The following DIS3L2 variants were observed in gnomAD, a reference collection of about 807,000 sequenced individuals.
The protein encoded by DIS3L2 is DIS3 like 3'-5' exoribonuclease 2, also known as DIS3-like exonuclease 2.
In DIS3L2, 34 loss-of-function variants were observed where a neutral mutation model predicts 97.5. The ratio of observed to expected loss-of-function variants is 0.35; its 90% CI spans 0.27 to 0.46. The LOEUF (loss-of-function observed/expected upper bound fraction) is 0.46, where lower values mean the gene tolerates loss of function less well. DIS3L2 is among the 20% of genes least tolerant of loss of function. The pLI, the probability that DIS3L2 is intolerant of heterozygous loss-of-function variation, is 1.00. For missense variants in DIS3L2, 1,038 were observed against 1,146.0 expected (o/e 0.91, Z 1.36); for synonymous variants, 435 against 445.2 (o/e 0.98, Z 0.29).
chr2:232,016,304 G>A (rs1271555102), intron 3 of DIS3L2, among the ~76,000 whole-genome samples: 4 of 152,222 alleles, frequency 2.6e-5, no homozygotes, highest in Non-Finnish European at 4.4e-5. Flanking sequence ...TAGAATAAGT[G>A]TGCAGCATGG....
intron 1 of DIS3L2, among the ~76,000 whole-genome samples, chr2:231,995,477 G>GC (rs1200121719): frequency 6.6e-6 from 1 of 151,982 alleles, no homozygotes; most frequent in African/African-American, 2.4e-5. Context: ...ATTTTTTCTA[G>GC]CCTATTTTCT....
rs779485524 is a variant in DIS3L2, at chr2:232,336,577, GAGA to G, written c.2608_2610del (p.Lys870del). ...AGGCACCCAGGGCCACCTGGGCCCTGAGAAGGAGGAGGAGGAGTCTGACGGTGA... is the reference window on the plus strand; with the variant it reads ...AGGCACCCAGGGCCACCTGGGCCCTGAGGAGGAGGAGGAGTCTGACGGTGA... On this transcript the variant is annotated inframe_deletion, in exon 21 of 21. Transcript: ENST00000325385. 19 of 1,608,866 alleles carry G rather than the reference GAGA, an allele frequency of 1.2e-5. No homozygotes were observed. In the African/African-American group the frequency reaches 1.7e-4, roughly 15 times the overall value.
At chr2:232,001,327 A>G (rs1559530006) in intron 1 of DIS3L2, among the ~76,000 whole-genome samples, 1 of 152,144 alleles carries the variant, frequency 6.6e-6, no homozygotes, top group Non-Finnish European at 1.5e-5. Context: ...ATTTTTTCAT[A>G]TACCTGTTGG....
At chr2:232,221,339 A>G (rs1400017036) in intron 10 of DIS3L2, among the ~76,000 whole-genome samples, 7 of 152,210 alleles carry the variant, frequency 4.6e-5, no homozygotes, top group Non-Finnish European at 1.0e-4. Context: ...CAGCTAACAG[A>G]TTAAACTTTC....
At chr2:232,008,189 C>CT (rs35011144) in intron 1 of DIS3L2, among the ~76,000 whole-genome samples, 3,745 of 127,744 alleles carry the variant, frequency 0.029, 145 homozygotes, top group African/African-American at 0.091. Flanking sequence ...ATTTTTTGTA[C>CT]TTTTTTTTTT....
chr2:232,130,860 A>T (rs1187338805), intron 7 of DIS3L2, 141 bp downstream of exon 7: 12 of 742,388 alleles, frequency 1.6e-5, no homozygotes, highest in Middle Eastern at 2.9e-4. Flanking sequence ...AAAGTGAATT[A>T]AAAAAAAAAA....
chr2:232,327,457 G>A lies in DIS3L2; in HGVS notation c.1740-2356G>A, dbSNP rs548494971. Among the ~76,000 whole-genome samples the A allele has an allele frequency of 1.2e-4, 19 of 152,366 alleles. No homozygotes were observed. In the East Asian group the frequency reaches 3.7e-3, roughly 29 times the overall value. ...GGAGAAAAGTCCAGAACCGTGCCTG[G>A]CACATAGTAGTTTTTATGGAGTGAG... is the stretch of plus-strand genomic sequence containing the variant. On this transcript the variant is annotated intron_variant, in intron 14 of 20. Transcript: ENST00000325385.
chr2:232,320,475 T>C (rs967868740), intron 14 of DIS3L2, among the ~76,000 whole-genome samples: 9 of 152,318 alleles, frequency 5.9e-5, no homozygotes, highest in African/African-American at 2.2e-4. Context: ...CTGTCACCTG[T>C]GTTGGATTTA....
chr2:232,094,676 G>A (rs1011343427), intron 6 of DIS3L2, among the ~76,000 whole-genome samples: 17 of 135,976 alleles, frequency 1.3e-4, no homozygotes, highest in South Asian at 2.3e-4. Flanking sequence ...CCAAGACTGC[G>A]CCACTGCACT....
intron 9 of DIS3L2, among the ~76,000 whole-genome samples, chr2:232,168,756 T>G (rs1462846485): frequency 6.6e-6 from 1 of 152,140 alleles, no homozygotes; most frequent in Non-Finnish European, 1.5e-5. Flanking sequence ...ATTCCTTATT[T>G]TTAACACACA....
chr2:232,007,172 A>G (rs530149019), intron 1 of DIS3L2, among the ~76,000 whole-genome samples: 4 of 152,352 alleles, frequency 2.6e-5, no homozygotes, highest in African/African-American at 9.6e-5. Context: ...GGGTGTGTTA[A>G]AAGTTCTAGA....
chr2:232,288,127 C>T (rs1043002482), intron 13 of DIS3L2, among the ~76,000 whole-genome samples: 5 of 152,182 alleles, frequency 3.3e-5, no homozygotes, highest in African/African-American at 1.2e-4. Flanking sequence ...AGATTGGCTG[C>T]CCCAGGTCCA....
chr2:232,249,184 G>A (rs905326144), intron 11 of DIS3L2, 55 bp from the exon 12 acceptor site: 2 of 1,559,614 alleles, frequency 1.3e-6, no homozygotes, highest in Non-Finnish European at 8.8e-7. Context: ...TGCCCACTGG[G>A]CTTCTCCTAA....
chr2:232,055,192 C>T (rs1307042386), intron 5 of DIS3L2, among the ~76,000 whole-genome samples: 1 of 152,164 alleles, frequency 6.6e-6, no homozygotes, highest in African/African-American at 2.4e-5. Flanking sequence ...AGCGAGGATG[C>T]TCACTATCAT....
intron 10 of DIS3L2, among the ~76,000 whole-genome samples, chr2:232,215,697 T>G (rs1692314318): frequency 6.6e-6 from 1 of 152,184 alleles, no homozygotes; most frequent in African/African-American, 2.4e-5. Flanking sequence ...ACTGATCACC[T>G]TTGGAGGCAG....
At chr2:232,329,785 T>TGCCGGGGGGCCCCCC in intron 14 of DIS3L2, 28 bp from the exon 15 acceptor site, 5 of 967,142 alleles carry the variant, frequency 5.2e-6, no homozygotes, top group East Asian at 3.1e-5. Context: ...ACCCCAGCGG[T>TGCCGGGGGGCCCCCC]CCCTCCCATC....
At chr2:232,194,762 G>T (rs1436784113) in intron 9 of DIS3L2, among the ~76,000 whole-genome samples, 4 of 152,192 alleles carry the variant, frequency 2.6e-5, no homozygotes, top group Non-Finnish European at 4.4e-5. Flanking sequence ...GGACTGGGCT[G>T]TGGGAGTTGG....
chr2:231,963,212 T>C (rs1451854090), intron 1 of DIS3L2, among the ~76,000 whole-genome samples: 1 of 152,220 alleles, frequency 6.6e-6, no homozygotes, highest in Non-Finnish European at 1.5e-5. Context: ...GTTTAAATGT[T>C]CCCTTTCCAA....
intron 9 of DIS3L2, among the ~76,000 whole-genome samples, chr2:232,186,955 A>G (rs76671041): frequency 6.6e-6 from 1 of 152,232 alleles, no homozygotes; most frequent in African/African-American, 2.4e-5. Flanking sequence ...GACTTCATCA[A>G]AATTAAAAAT....
Sources: gnomAD v4.1 joint callset for allele counts (sites outside exome capture counted in the v4.1 genomes callset) on GRCh38, gnomAD v4.1.1 for gene constraint, MANE v1.5 for transcripts, NCBI Gene and HGNC (gene_info 2026-07-23, HGNC 2026-07-21) for gene names.